Variants in LINGO2 observed in about 807,000 individuals in gnomAD.
The protein encoded by LINGO2 is leucine rich repeat and Ig domain containing 2, also known as leucine-rich repeat and immunoglobulin-like domain-containing nogo receptor-interacting protein 2.
A neutral mutation model predicts 30.6 loss-of-function variants in LINGO2; 14 were observed. That is an observed-to-expected ratio of 0.46 (90% confidence interval 0.30 to 0.72). The LOEUF is 0.72. LINGO2 is among the 30% of genes least tolerant of loss of function. The pLI is 0.07. For synonymous variants in LINGO2, 317 were observed against 288.5 expected (o/e 1.10, Z -1.00); for missense variants, 729 against 751.7 (o/e 0.97, Z 0.35).
At chr9:28,850,929 C>G in the LINGO2 span, among the ~76,000 whole-genome samples, 1 of 152,002 alleles carries the variant, frequency 6.6e-6, no homozygotes, top group Admixed American at 6.6e-5. Flanking sequence ...AGGATTACTT[C>G]TCTCAAAGCA....
intron 1 of LINGO2, among the ~76,000 whole-genome samples, chr9:28,512,147 C>A (rs574125719): frequency 6.6e-6 from 1 of 152,042 alleles, no homozygotes; most frequent in Non-Finnish European, 1.5e-5. Context: ...CATTTGATGA[C>A]GCAATGCTGC....
intron 2 of LINGO2, among the ~76,000 whole-genome samples, chr9:28,428,693 G>A (rs997753884): frequency 2.0e-5 from 3 of 152,208 alleles, no homozygotes; most frequent in African/African-American, 4.8e-5. Context: ...GGGTTCAGAC[G>A]TAGTTGCTGC....
intron 4 of LINGO2, among the ~76,000 whole-genome samples, chr9:28,117,690 C>G (rs375347145): frequency 4.3e-5 from 6 of 140,206 alleles, no homozygotes; most frequent in Non-Finnish European, 1.5e-5. Flanking sequence ...GCGTCCGTCA[C>G]CCCTTTCTTT....
intron 2 of LINGO2, among the ~76,000 whole-genome samples, chr9:28,445,147 T>C (rs1271933508): frequency 6.6e-6 from 1 of 152,240 alleles, no homozygotes; most frequent in African/African-American, 2.4e-5. Flanking sequence ...TTATCAATAA[T>C]AATATACATT....
At chr9:28,981,307 T>A in the LINGO2 span, among the ~76,000 whole-genome samples, 1 of 152,132 alleles carries the variant, frequency 6.6e-6, no homozygotes, top group African/African-American at 2.4e-5. Context: ...GACTTCTGCT[T>A]TCAGTCAAGG....
intron 3 of LINGO2, among the ~76,000 whole-genome samples, chr9:28,301,110 T>G (rs13292563): frequency 0.15 from 22,883 of 152,130 alleles, 2,251 homozygotes; most frequent in Non-Finnish European, 0.22. Context: ...AATGTAAATA[T>G]AGTGTGGCTG....
At chr9:28,374,561 C>T (rs996799850) in intron 2 of LINGO2, among the ~76,000 whole-genome samples, 12 of 152,102 alleles carry the variant, frequency 7.9e-5, no homozygotes, top group South Asian at 2.1e-4. Flanking sequence ...TAACTCCTTT[C>T]ATCTGCCTGC....
chr9:28,995,280 C>G, the LINGO2 span, among the ~76,000 whole-genome samples: 11 of 152,204 alleles, frequency 7.2e-5, no homozygotes, highest in Non-Finnish European at 1.3e-4. Flanking sequence ...TGCTCACCAT[C>G]ACTGGCCATC....
At chr9:28,023,359 G>C (rs1197915) in intron 4 of LINGO2, among the ~76,000 whole-genome samples, 141,998 of 143,860 alleles carry the variant, frequency 0.99, 70,102 homozygotes, top group Middle Eastern at 1. Context: ...TACCCTAATA[G>C]AGGAATTAGA....
chr9:28,097,655 A>C (rs1826284655), intron 4 of LINGO2, among the ~76,000 whole-genome samples: 1 of 127,238 alleles, frequency 7.9e-6, no homozygotes, highest in South Asian at 2.9e-4. Context: ...TGGACACAGG[A>C]AGGGGAATAT....
intron 2 of LINGO2, among the ~76,000 whole-genome samples, chr9:28,389,877 A>T (rs1821754930): frequency 6.6e-6 from 1 of 152,194 alleles, no homozygotes; most frequent in Non-Finnish European, 1.5e-5. Flanking sequence ...ATAAAGTCTT[A>T]ATGTAGTCTG....
chr9:27,966,318 T>TC (rs1820098472), intron 5 of LINGO2, among the ~76,000 whole-genome samples: 1 of 152,074 alleles, frequency 6.6e-6, no homozygotes, highest in Non-Finnish European at 1.5e-5. Flanking sequence ...TTACTTAAGT[T>TC]CCTCTAAAGA....
At chr9:28,310,484 T>A (rs953960372) in intron 3 of LINGO2, among the ~76,000 whole-genome samples, 1 of 152,130 alleles carries the variant, frequency 6.6e-6, no homozygotes, top group African/African-American at 2.4e-5. Context: ...TCCATGTATA[T>A]AAAACAGTAG....
rs556292433 is a variant in LINGO2 at position 28,369,161 on chromosome 9, G to T, written c.-246+3675C>A. On this transcript the variant is annotated intron_variant, in intron 3 of 5. Transcript: ENST00000379992. ...TTCTGGGCATTTCTGGGGATCAGCA[G>T]CTCAGACTCCTTTTCATTATTATTA... 2.1e-3 allele frequency among the ~76,000 whole-genome samples: 314 copies of T among 152,158 alleles called. 6 individuals are homozygous for T. The highest frequency in any genetic ancestry group is 2.6e-4 in the Non-Finnish European group (18 of 68,008).
the LINGO2 span, among the ~76,000 whole-genome samples, chr9:28,684,356 T>C: frequency 6.7e-6 from 1 of 150,372 alleles, no homozygotes; most frequent in Admixed American, 6.6e-5. Flanking sequence ...CCCGGCTAAT[T>C]TTTTGTGTTT....
At chr9:28,243,550 T>G (rs1363401012) in intron 4 of LINGO2, among the ~76,000 whole-genome samples, 1 of 151,128 alleles carries the variant, frequency 6.6e-6, no homozygotes, top group South Asian at 2.1e-4. Flanking sequence ...GATACCCATC[T>G]CACGTGCAAA....
chr9:28,294,563 C>T (rs991405039), intron 4 of LINGO2, among the ~76,000 whole-genome samples: 2 of 152,094 alleles, frequency 1.3e-5, no homozygotes, highest in African/African-American at 4.8e-5. Context: ...ATAAGAAGAT[C>T]TGACCAAAAT....
the LINGO2 span, among the ~76,000 whole-genome samples, chr9:28,899,477 A>G: frequency 6.6e-6 from 1 of 152,194 alleles, no homozygotes; most frequent in Non-Finnish European, 1.5e-5. Context: ...GACTGACCAC[A>G]GCACCAGGCT....
At chr9:28,876,545 C>T in the LINGO2 span, among the ~76,000 whole-genome samples, 1 of 152,084 alleles carries the variant, frequency 6.6e-6, no homozygotes, top group South Asian at 2.1e-4. Flanking sequence ...ATGATGATAT[C>T]CAATTTCATC....
Sources: gnomAD v4.1 joint callset for allele counts (sites outside exome capture counted in the v4.1 genomes callset) on GRCh38, gnomAD v4.1.1 for gene constraint, MANE v1.5 for transcripts, NCBI Gene and HGNC (gene_info 2026-07-23, HGNC 2026-07-21) for gene names.